The following SH3GLB2 variants were observed in gnomAD, a reference collection of about 807,000 sequenced individuals.
SH3GLB2 encodes the protein SH3 domain containing GRB2 like, endophilin B2.
A neutral mutation model predicts 48.0 loss-of-function variants in SH3GLB2; 24 were observed. That is an observed-to-expected ratio of 0.50 (90% CI 0.36 to 0.70). The LOEUF (loss-of-function observed/expected upper bound fraction) is 0.70, where lower values mean the gene tolerates loss of function less well. Ranked by LOEUF, SH3GLB2 falls within the 30% of genes least tolerant of loss-of-function variation. SH3GLB2 has a pLI of 0.00. For missense variants in SH3GLB2, 425 were observed against 516.0 expected, an observed-to-expected ratio of 0.82 and a Z score of 1.71; for synonymous variants, 227 against 207.6, an observed-to-expected ratio of 1.09 and a Z score of -0.80.
At chr9:129,028,065 G>A in intron 1 of SH3GLB2, 27 bp downstream of exon 1, 1 of 1,496,886 alleles carries the variant, frequency 6.7e-7, no homozygotes. Flanking sequence ...CCGGGCCCCC[G>A]GCGCACGGCG....
Position 129,011,960 on chromosome 9 carries a change from T to A in SH3GLB2, c.624+276A>T. 1 of 367,782 alleles carries A rather than the reference T, an allele frequency of 2.7e-6. No individual in the cohort carries two copies. The highest frequency in any genetic ancestry group is 4.8e-6 in the Non-Finnish European group (1 of 206,518). 22.8% of individuals were successfully genotyped at this position (367,782 alleles called of 1,614,324 possible). Reference sequence around the variant, plus strand: ...GGGATGGGACAGCTGCCGCCCTGAGTTCTCCACACTACTCAGTGTGGCTGG... The same window carrying A: ...GGGATGGGACAGCTGCCGCCCTGAGATCTCCACACTACTCAGTGTGGCTGG... On this transcript the variant is annotated intron_variant, in intron 6 of 10. Coordinates refer to ENST00000372564, the MANE Select transcript of SH3GLB2 (RefSeq NM_020145.4). The surrounding 1 kb of genome is among the most constrained non-coding windows in gnomAD (Gnocchi z 4.5).
chr9:129,009,999 C>T lies in SH3GLB2; in HGVS notation c.738+121G>A, dbSNP rs372714418. The stretch of plus-strand genomic sequence containing the variant: ...GGGTGCCCTGCCCCTGCGCCCACAC[C>T]CTCCCCGGTGGGACTTGCTCTGTGA... On this transcript the variant is annotated intron_variant, in intron 8 of 10. Coordinates refer to ENST00000372564, the MANE Select transcript of SH3GLB2 (RefSeq NM_020145.4). 8.6e-5 allele frequency: 118 copies of T among 1,369,848 alleles called. No individual in the cohort carries two copies. The East Asian group carries it at 9.7e-4, about 11-fold the overall frequency. 84.9% of individuals were successfully genotyped at this position (1,369,848 alleles called of 1,614,324 possible). A position where few individuals can be genotyped will look rare whatever the true frequency, so the allele number is the denominator to read the frequency against.
At position 129,011,004 on chromosome 9, in the gene SH3GLB2, C is replaced by T; in HGVS notation, c.625-311G>A. 1 of 419,132 alleles carries T rather than the reference C, an allele frequency of 2.4e-6. No homozygotes were observed. The highest frequency in any genetic ancestry group is 3.7e-5 in the South Asian group (1 of 27,014). The allele number at this position is 419,132 out of a possible 1,614,324, so 26.0% of individuals were successfully genotyped here. A position where few individuals can be genotyped will look rare whatever the true frequency, so the allele number is the denominator to read the frequency against. On this transcript the variant is annotated intron_variant, in intron 6 of 10. Coordinates refer to ENST00000372564, the MANE Select transcript of SH3GLB2 (RefSeq NM_020145.4). This position sits in a 1 kb window ranked among gnomAD's most constrained non-coding sequence, Gnocchi z 4.5. ...AGAGACGGAGTGTCCCCACCCCATC[C>T]TGACTGCTGGCTCAGGCTGCTGGGC...
intron 3 of SH3GLB2, among the ~76,000 whole-genome samples, chr9:129,016,698 A>G (rs1843447810): frequency 6.6e-6 from 1 of 152,258 alleles, no homozygotes; most frequent in South Asian, 2.1e-4. Flanking sequence ...TGGGCTGAAA[A>G]AAGTACACCA....
At chr9:129,016,448 CAGG>C (rs2131264313) in intron 3 of SH3GLB2, among the ~76,000 whole-genome samples, 1 of 148,958 alleles carries the variant, frequency 6.7e-6, no homozygotes, top group East Asian at 2.0e-4. Context: ...ATCATGAGGT[CAGG>C]AGTTCAAGAC....
chr9:129,012,261 TA>T lies in SH3GLB2; in HGVS notation c.598del (p.Tyr200ThrfsTer35). 7.7e-7 allele frequency: 1 copy of T among 1,300,098 alleles called. No homozygotes were observed. Among genetic ancestry groups the T allele is most frequent in the Non-Finnish European group, 9.8e-7 (1 of 1,016,942 alleles). 80.5% of individuals were successfully genotyped at this position (1,300,098 alleles called of 1,614,324 possible). On this transcript the variant is annotated frameshift_variant, in exon 6 of 11. Coordinates refer to ENST00000372564, the MANE Select transcript of SH3GLB2 (RefSeq NM_020145.4). LOFTEE classifies it high-confidence loss of function. ...CGCGGAGGCGCTGGCCGAGAGAATGTAATTACGAGGTCTAGTCTCCTGAAAG... is the reference window on the plus strand; with the variant it reads ...CGCGGAGGCGCTGGCCGAGAGAATGTATTACGAGGTCTAGTCTCCTGAAAG... ...PDFQETRPRNYILSASASALW... is the reference protein window; with the variant it reads ...PDFQETRPRNXILSASASALW...
Position 129,028,257 on chromosome 9 carries a change from G to GC in SH3GLB2, c.-104dup, listed in dbSNP as rs1844282937. 1.4e-6 allele frequency: 1 copy of GC among 727,954 alleles called. No homozygotes were observed. Among genetic ancestry groups the GC allele is most frequent in the South Asian group, 5.9e-5 (1 of 17,024 alleles). The allele number at this position is 727,954 out of a possible 1,614,324, so 45.1% of individuals were successfully genotyped here. The stretch of plus-strand genomic sequence containing the variant: ...CCCGCCCACCTGCTGCGGGGCACCA[G>GC]CCCTCCGCGCACCCGCCTGCCGGCC... On this transcript the variant is annotated 5_prime_UTR_variant, in exon 1 of 11. Coordinates refer to ENST00000372564, the MANE Select transcript of SH3GLB2 (RefSeq NM_020145.4).
intron 5 of SH3GLB2, chr9:129,013,207 G>A (rs1392893793): frequency 3.2e-6 from 2 of 628,926 alleles, no homozygotes; most frequent in Non-Finnish European, 5.7e-6. Flanking sequence ...GGACAGAGCT[G>A]TGGAGCTTGA....
At chr9:129,012,904 G>T in intron 5 of SH3GLB2, 1 of 1,439,888 alleles carries the variant, frequency 6.9e-7, no homozygotes, top group Non-Finnish European at 9.5e-7. Context: ...GAGACCAGCT[G>T]CTTGCAAAAT....
At chr9:129,021,682 G>A (rs1052037387) in intron 2 of SH3GLB2, among the ~76,000 whole-genome samples, 7 of 151,846 alleles carry the variant, frequency 4.6e-5, no homozygotes, top group African/African-American at 1.7e-4. Context: ...GGTTGGGACG[G>A]ACACGGTGGC....
chr9:129,025,039 G>A (rs1844062430), intron 1 of SH3GLB2, among the ~76,000 whole-genome samples: 1 of 151,620 alleles, frequency 6.6e-6, no homozygotes, highest in East Asian at 1.9e-4. Context: ...ACTTTGGGAG[G>A]CCAAGGCAGG....
intron 3 of SH3GLB2, among the ~76,000 whole-genome samples, chr9:129,018,308 T>G (rs1326697158): frequency 6.6e-6 from 1 of 152,266 alleles, no homozygotes; most frequent in Non-Finnish European, 1.5e-5. Flanking sequence ...CTGGGCGCAG[T>G]GGCTCACGCC....
rs771371241 is a variant in SH3GLB2, at chr9:129,009,214, C to T, written c.972G>A (p.Ser324=). The change falls in exon 10 of 11, where the codon TCG becomes TCA. Residue 324 remains serine, a synonymous_variant. Transcript: ENST00000372564. ...GGGGGGCCACCTCTTCCAGGCAGAG[C>T]GAGGCCTCCCCCGGAGGGGCCAGGC... The part of the protein sequence containing the change: ...VASLAPPGEA[S]LCLEEVAPPA... The T allele has an allele frequency of 5.0e-6, 8 of 1,607,484 alleles. No homozygotes were observed. The highest frequency in any genetic ancestry group is 2.2e-5 in the East Asian group (1 of 44,762).
Position 129,014,712 on chromosome 9 carries a change from G to C in SH3GLB2, c.468+59C>G. 2.5e-6 allele frequency: 4 copies of C among 1,579,230 alleles called. No individual in the cohort carries two copies. The highest frequency in any genetic ancestry group is 3.4e-6 in the Non-Finnish European group (4 of 1,163,184). On this transcript the variant is annotated intron_variant, in intron 4 of 10. Coordinates refer to ENST00000372564, the MANE Select transcript of SH3GLB2 (RefSeq NM_020145.4). The surrounding 1 kb of genome is among the most constrained non-coding windows in gnomAD (Gnocchi z 4.1). ...CACTGGAAGAGAGCCTGTACTCAAAGGCTCTGAGGAGGGAACTGCCATGGT... is the reference window on the plus strand; with the variant it reads ...CACTGGAAGAGAGCCTGTACTCAAACGCTCTGAGGAGGGAACTGCCATGGT...
At chr9:129,012,447 T>G in intron 5 of SH3GLB2, 149 bp from the exon 6 acceptor site, 1 of 430,682 alleles carries the variant, frequency 2.3e-6, no homozygotes, top group Non-Finnish European at 4.0e-6. Flanking sequence ...CAAACCCCCT[T>G]CTCCCGACTC....
At chr9:129,021,974 A>C (rs929958372) in intron 2 of SH3GLB2, among the ~76,000 whole-genome samples, 1 of 151,778 alleles carries the variant, frequency 6.6e-6, no homozygotes, top group Non-Finnish European at 1.5e-5. Context: ...AAAAAAAAAA[A>C]AAACCAACAG....
At chr9:129,016,342 T>TAAAAAAAA (rs57505648) in intron 3 of SH3GLB2, among the ~76,000 whole-genome samples, 1 of 34,102 alleles carries the variant, frequency 2.9e-5, no homozygotes, top group South Asian at 1.1e-3. Context: ...AGACTGTCTT[T>TAAAAAAAA]AAAAAAAAAA....
At position 129,009,234 on chromosome 9, in the gene SH3GLB2, C is replaced by A; in HGVS notation, c.952G>T (p.Ala318Ser). ...MPVVPSVASL[A>S]PPGEASLCLE... ...CAGAGCGAGGCCTCCCCCGGAGGGG[C>A]CAGGCTGGCCACAGAGGGCACCACA... Residue 318 changes from alanine (A) to serine (S), a missense_variant, in exon 10 of 11, where the codon GCC becomes TCC. Transcript: ENST00000372564. 1.3e-6 allele frequency: 2 copies of A among 1,596,866 alleles called. No individual in the cohort carries two copies. The highest frequency in any genetic ancestry group is 1.7e-6 in the Non-Finnish European group (2 of 1,171,944).
intron 9 of SH3GLB2, 31 bp from the exon 10 acceptor site, chr9:129,009,377 G>C (rs1842965792): frequency 1.9e-6 from 3 of 1,550,850 alleles, no homozygotes; most frequent in Non-Finnish European, 8.7e-7. Flanking sequence ...TTAGCAGGTG[G>C]GAGTCCCAGA....
Sources: gnomAD v4.1 joint callset for allele counts (sites outside exome capture counted in the v4.1 genomes callset) on GRCh38, gnomAD v4.1.1 for gene constraint, Gnocchi (gnomAD v3.1) non-coding constraint, MANE v1.5 for transcripts, NCBI Gene and HGNC (gene_info 2026-07-23, HGNC 2026-07-21) for gene names.